Variants in ARHGAP17 observed in about 807,000 individuals in gnomAD.
The protein encoded by ARHGAP17 is Rho GTPase activating protein 17.
A neutral mutation model predicts 99.5 loss-of-function variants in ARHGAP17; 57 were observed. The observed-to-expected ratio is 0.57, with a 90% confidence interval of 0.46 to 0.71. The LOEUF is 0.71. Among genes scored for constraint, ARHGAP17 ranks in the 30% least tolerant of loss-of-function variants. The probability of loss-of-function intolerance (pLI) is 0.00; values close to 1 mark genes in which losing one functional copy is unlikely to be tolerated. For missense variants in ARHGAP17, 1,000 were observed against 1,122.4 expected, an observed-to-expected ratio of 0.89 and a Z score of 1.56; for synonymous variants, 417 against 429.6, an observed-to-expected ratio of 0.97 and a Z score of 0.36.
chr16:24,982,286 C>T (rs1680971050), intron 1 of ARHGAP17, among the ~76,000 whole-genome samples: 1 of 151,962 alleles, frequency 6.6e-6, no homozygotes, highest in South Asian at 2.1e-4. Flanking sequence ...CACCTGTAGT[C>T]CCAGCTACCT....
intron 1 of ARHGAP17, among the ~76,000 whole-genome samples, chr16:24,990,684 C>T (rs550616792): frequency 2.6e-5 from 4 of 151,842 alleles, no homozygotes; most frequent in Non-Finnish European, 4.4e-5. Flanking sequence ...CACACACACC[C>T]CTCATAAGGT....
At chr16:24,977,707 G>A (rs2052560121) in intron 2 of ARHGAP17, among the ~76,000 whole-genome samples, 1 of 151,952 alleles carries the variant, frequency 6.6e-6, no homozygotes, top group Non-Finnish European at 1.5e-5. Flanking sequence ...GGTTTGGGGT[G>A]TGTGTGTGTG....
At chr16:24,985,698 G>C (rs895289027) in intron 1 of ARHGAP17, among the ~76,000 whole-genome samples, 6 of 152,202 alleles carry the variant, frequency 3.9e-5, no homozygotes, top group African/African-American at 1.4e-4. Flanking sequence ...CAGAGATTCT[G>C]GAGATGGGGA....
chr16:24,962,016 C>T (rs181931194), intron 7 of ARHGAP17, among the ~76,000 whole-genome samples: 4 of 142,336 alleles, frequency 2.8e-5, no homozygotes, highest in East Asian at 2.1e-4. Flanking sequence ...CATCAAGGTA[C>T]ACAAATTAAT....
chr16:24,953,486 G>A (rs2051706791), intron 10 of ARHGAP17, among the ~76,000 whole-genome samples: 1 of 152,124 alleles, frequency 6.6e-6, no homozygotes, highest in South Asian at 2.1e-4. Flanking sequence ...GATAGTGAGT[G>A]AGATCTCACA....
At chr16:24,960,116 T>C in intron 7 of ARHGAP17, 137 bp from the exon 8 acceptor site, 1 of 738,496 alleles carries the variant, frequency 1.4e-6, no homozygotes, top group Non-Finnish European at 2.3e-6. Context: ...AACTGCCTGG[T>C]ACAACCATAC....
rs199769717 is a variant in ARHGAP17 at position 24,970,506 on chromosome 16, C to A, written c.272+1G>T. ...GGCACTCTGAAGGCAGCAACTCTTACCCCAGGAGAGAGTCTTCCAGCTGAG... is the reference window on the plus strand; with the variant it reads ...GGCACTCTGAAGGCAGCAACTCTTAACCCAGGAGAGAGTCTTCCAGCTGAG... On this transcript the variant is annotated splice_donor_variant, in intron 4 of 19. Transcript: ENST00000289968. LOFTEE classifies it high-confidence loss of function. 4 of 1,613,976 alleles carry A rather than the reference C, an allele frequency of 2.5e-6. No individual in the cohort carries two copies. The highest frequency in any genetic ancestry group is 3.4e-6 in the Non-Finnish European group (4 of 1,179,866).
intron 1 of ARHGAP17, among the ~76,000 whole-genome samples, chr16:25,000,164 G>C (rs1341606936): frequency 6.6e-6 from 1 of 152,170 alleles, no homozygotes; most frequent in Non-Finnish European, 1.5e-5. Context: ...GTTTTACGTT[G>C]ATTAAGCCCT....
intron 18 of ARHGAP17, among the ~76,000 whole-genome samples, chr16:24,931,945 A>G (rs555565528): frequency 1.3e-5 from 2 of 152,212 alleles, no homozygotes; most frequent in African/African-American, 4.8e-5. Flanking sequence ...GCAAAACCCC[A>G]TCTCTACAAA....
intron 1 of ARHGAP17, among the ~76,000 whole-genome samples, chr16:24,984,578 C>T (rs1432027607): frequency 2.0e-5 from 3 of 152,032 alleles, no homozygotes; most frequent in African/African-American, 4.8e-5. Flanking sequence ...ATGGTGTGAT[C>T]CCGGGAGGCG....
chr16:24,939,667 CAT>C, intron 16 of ARHGAP17, 70 bp from the exon 17 acceptor site: 1 of 1,489,632 alleles, frequency 6.7e-7, no homozygotes, highest in African/African-American at 1.4e-5. Flanking sequence ...CATCGGTCCA[CAT>C]GTGTTAAAAC....
chr16:24,996,930 T>A (rs1162600616), intron 1 of ARHGAP17, among the ~76,000 whole-genome samples: 1 of 149,834 alleles, frequency 6.7e-6, no homozygotes, highest in African/African-American at 2.4e-5. Flanking sequence ...AAAAAAATGG[T>A]TTTTGTTCTG....
In ARHGAP17 at chr16:24,935,564, G is replaced by T; in HGVS notation, c.1800C>A (p.Gly600=). The T allele has an allele frequency of 6.2e-7, 1 of 1,614,108 alleles. No homozygotes were observed. Among genetic ancestry groups the T allele is most frequent in the Non-Finnish European group, 8.5e-7 (1 of 1,180,036 alleles). ...PGRNNSQIAS[G]QNQPQAAAGS... ...CAGCAGCTGCCTGGGGCTGATTTTG[G>T]CCAGATGCTATCTGACTGTTGTTTC... The change falls in exon 18 of 20, where the codon GGC becomes GGA. Residue 600 remains glycine, a synonymous_variant. Coordinates refer to ENST00000289968, the MANE Select transcript of ARHGAP17 (RefSeq NM_001006634.3).
At chr16:24,945,631 C>A (rs2051449046) in intron 14 of ARHGAP17, among the ~76,000 whole-genome samples, 1 of 152,204 alleles carries the variant, frequency 6.6e-6, no homozygotes, top group African/African-American at 2.4e-5. Flanking sequence ...TTTTCACCCA[C>A]TTTCCGACCA....
chr16:24,953,103 A>C, intron 10 of ARHGAP17, 61 bp from the exon 11 acceptor site: 3 of 1,479,268 alleles, frequency 2.0e-6, no homozygotes, highest in Non-Finnish European at 2.8e-6. Flanking sequence ...ACTAAGTGGC[A>C]GTGTGTTCTG....
Position 24,939,518 on chromosome 16 carries a change from G to A in ARHGAP17, c.1570C>T (p.Gln524Ter). 1 of 1,609,210 alleles carries A rather than the reference G, an allele frequency of 6.2e-7. No individual in the cohort carries two copies. Among genetic ancestry groups the A allele is most frequent in the Non-Finnish European group, 8.5e-7 (1 of 1,178,540 alleles). Residue 524 changes from glutamine to a stop codon, truncating the protein, a stop_gained, in exon 17 of 20, where the codon CAG becomes TAG. Coordinates refer to ENST00000289968, the MANE Select transcript of ARHGAP17 (RefSeq NM_001006634.3). LOFTEE classifies it high-confidence loss of function. ...CCATCTGTGGGCGGAAGTGGCGGCT[G>A]GAAAGCGGGGGATATGTGCTTTCTA... is the stretch of plus-strand genomic sequence containing the variant. ...LNRKHISPAF[Q>*]PPLPPTDGST... is the part of the protein sequence containing the mutation.
chr16:24,977,843 A>C (rs1423500547), intron 2 of ARHGAP17, among the ~76,000 whole-genome samples: 2 of 152,218 alleles, frequency 1.3e-5, no homozygotes, highest in Non-Finnish European at 2.9e-5. Context: ...TATGGCAAAG[A>C]GAGCCGCTTT....
chr16:24,948,723 C>A (rs1203763177), intron 13 of ARHGAP17, among the ~76,000 whole-genome samples: 1 of 151,760 alleles, frequency 6.6e-6, no homozygotes, highest in African/African-American at 2.4e-5. Context: ...GGCATATCAC[C>A]TGTAAACTAT....
chr16:24,934,226 T>C (rs1165999951), intron 18 of ARHGAP17, among the ~76,000 whole-genome samples: 2 of 152,210 alleles, frequency 1.3e-5, no homozygotes, highest in Non-Finnish European at 2.9e-5. Flanking sequence ...AGTGGCACAA[T>C]CTTGGCTCAC....
Sources: allele counts gnomAD v4.1 joint callset (sites outside exome capture counted in the v4.1 genomes callset), GRCh38; gene constraint gnomAD v4.1.1; transcripts MANE v1.5; gene names NCBI Gene and HGNC (gene_info 2026-07-23, HGNC 2026-07-21).